The following KPNA2 variants were observed in gnomAD, a reference collection of about 807,000 sequenced individuals.
The protein encoded by KPNA2 is karyopherin subunit alpha 2, also known as importin subunit alpha-1.
A neutral mutation model predicts 53.7 loss-of-function variants in KPNA2; 20 were observed. That is an observed-to-expected ratio of 0.37 (90% CI 0.26 to 0.54). KPNA2 has a LOEUF of 0.54. Among genes scored for constraint, KPNA2 ranks in the 20% least tolerant of loss-of-function variants. KPNA2 has a pLI of 0.83. For synonymous variants in KPNA2, 238 were observed against 227.5 expected (o/e 1.05, Z -0.42); for missense variants, 515 against 640.3 (o/e 0.80, Z 2.11).
At chr17:68,045,632 T>G (rs2071319171) in intron 9 of KPNA2, 140 bp from the exon 10 acceptor site, 1 of 637,096 alleles carries the variant, frequency 1.6e-6, no homozygotes, top group Non-Finnish European at 2.6e-6. Context: ...AAAATGGACA[T>G]AAAACTATGA....
chr17:68,040,581 C>A, intron 3 of KPNA2, 97 bp from the exon 4 acceptor site: 1 of 774,338 alleles, frequency 1.3e-6, no homozygotes, highest in South Asian at 1.5e-5. Context: ...TGGCTATAAG[C>A]CTAACGATGT....
At position 68,037,207 on chromosome 17, in the gene KPNA2, A is replaced by C. The variant is rs781821343; in HGVS notation, c.75A>C (p.Thr25=). 1.9e-6 allele frequency: 3 copies of C among 1,610,096 alleles called. No individual in the cohort carries two copies. The African/African-American group carries it at 4.0e-5, about 22-fold the overall frequency. ...HRFKNKGKDS[T]EMRRRRIEVN... ...TCAAGAACAAGGGAAAAGACAGTAC[A>C]GTGAGTACCTTCTGTTGCTTTCCTG... is the stretch of plus-strand genomic sequence containing the variant. The change falls in exon 2 of 11, where the codon ACA becomes ACC. Residue 25 remains threonine, a splice_region_variant and synonymous_variant. Transcript: ENST00000330459.
intron 7 of KPNA2, 79 bp downstream of exon 7, chr17:68,043,442 C>G: frequency 7.1e-7 from 1 of 1,402,010 alleles, no homozygotes; most frequent in South Asian, 1.3e-5. Context: ...TGGCTCACAC[C>G]TGTGTAATCC....
At chr17:68,036,264 G>C (rs1178577262) in intron 1 of KPNA2, 1 of 152,286 alleles carries the variant, frequency 6.6e-6, no homozygotes, top group Non-Finnish European at 1.5e-5. Flanking sequence ...TCGTAGGCGA[G>C]CGTAATGAAA....
chr17:68,041,754 C>T (rs2071262984), intron 4 of KPNA2, among the ~76,000 whole-genome samples: 1 of 152,014 alleles, frequency 6.6e-6, no homozygotes, highest in Non-Finnish European at 1.5e-5. Flanking sequence ...CCACAACTAT[C>T]AGAACAAATT....
At position 68,037,338 on chromosome 17, in the gene KPNA2, G is replaced by T. The variant is rs372555369; in HGVS notation, c.76-20G>T. 6 of 1,607,914 alleles carry T rather than the reference G, an allele frequency of 3.7e-6. No individual in the cohort carries two copies. The African/African-American group carries it at 8.0e-5, about 22-fold the overall frequency. ...AAAAACTGGTGTGATAGGTGAAACG[G>T]CATGTTATCTTTTCTCAAGGAAATG... On this transcript the variant is annotated intron_variant, in intron 2 of 10. Transcript: ENST00000330459.
chr17:68,044,267 G>C, intron 8 of KPNA2, 54 bp from the exon 9 acceptor site: 1 of 1,515,122 alleles, frequency 6.6e-7, no homozygotes, highest in Non-Finnish European at 9.0e-7. Context: ...AGTACTCTTG[G>C]AATCTTATTT....
At chr17:68,039,113 A>T (rs1430881793) in intron 3 of KPNA2, among the ~76,000 whole-genome samples, 1 of 151,926 alleles carries the variant, frequency 6.6e-6, no homozygotes, top group East Asian at 1.9e-4. Flanking sequence ...TTTTTCTCAC[A>T]ATATGCTTCC....
chr17:68,043,501 C>T (rs1454078982), intron 7 of KPNA2, 138 bp downstream of exon 7: 10 of 786,398 alleles, frequency 1.3e-5, no homozygotes, highest in East Asian at 4.9e-5. Flanking sequence ...GTCAGGAGTT[C>T]GAGACCAGCC....
intron 3 of KPNA2, among the ~76,000 whole-genome samples, chr17:68,040,384 C>T (rs1352980840): frequency 2.0e-5 from 3 of 151,884 alleles, no homozygotes; most frequent in Non-Finnish European, 4.4e-5. Context: ...TGTGAGCCAC[C>T]ATGCCTGTCC....
chr17:68,039,008 G>A (rs1051855541), intron 3 of KPNA2, among the ~76,000 whole-genome samples: 1 of 142,946 alleles, frequency 7.0e-6, no homozygotes. Context: ...GTGAGACCCT[G>A]TCTCTAAGAA....
intron 5 of KPNA2, 40 bp from the exon 6 acceptor site, chr17:68,042,863 CAA>C (rs76104168): frequency 0.17 from 186,319 of 1,075,036 alleles, 1 homozygote; most frequent in East Asian, 0.2. Flanking sequence ...AACTCCGTCT[CAA>C]AAAAAAAAAA....
intron 3 of KPNA2, among the ~76,000 whole-genome samples, chr17:68,040,233 G>A (rs374335000): frequency 1.1e-4 from 16 of 151,376 alleles, no homozygotes; most frequent in Admixed American, 2.6e-4. Flanking sequence ...CTTGTATGGC[G>A]ACAGGCAAAC....
chr17:68,045,721 A>C, intron 9 of KPNA2, 51 bp from the exon 10 acceptor site: 1 of 1,358,120 alleles, frequency 7.4e-7, no homozygotes, highest in Non-Finnish European at 9.8e-7. Context: ...TTTCTTCATT[A>C]AAATAAAACC....
At position 68,038,341 on chromosome 17, in the gene KPNA2, C is replaced by T. The variant is rs567315640; in HGVS notation, c.213+846C>T. On this transcript the variant is annotated intron_variant, in intron 3 of 10. Coordinates refer to ENST00000330459, the MANE Select transcript of KPNA2 (RefSeq NM_002266.4). ...CAGGCTAGTCTTGAACTCATGACCT[C>T]GTGATATGCCTGCCTTGGTCTCCAG... is the stretch of plus-strand genomic sequence containing the variant. Among the ~76,000 whole-genome samples, 15 of 152,238 alleles carry T rather than the reference C, an allele frequency of 9.9e-5. No homozygotes were observed. The South Asian group carries it at 1.9e-3, about 19-fold the overall frequency.
Position 68,039,837 on chromosome 17 carries a change from C to T in KPNA2, c.214-841C>T, listed in dbSNP as rs565809666. 4.6e-5 allele frequency among the ~76,000 whole-genome samples: 7 copies of T among 151,200 alleles called. No individual in the cohort carries two copies. The South Asian group carries it at 1.5e-3, about 32-fold the overall frequency. ...CCTGTAATTCCAGCACTTTGGGAGGCTGAGGCAGGTGGATCACCTGAGGTT... is the reference window on the plus strand; with the variant it reads ...CCTGTAATTCCAGCACTTTGGGAGGTTGAGGCAGGTGGATCACCTGAGGTT... On this transcript the variant is annotated intron_variant, in intron 3 of 10. Transcript: ENST00000330459.
At chr17:68,040,829 G>GC in intron 4 of KPNA2, 63 bp downstream of exon 4, 1 of 1,028,162 alleles carries the variant, frequency 9.7e-7, no homozygotes. Flanking sequence ...TTTTTTTTTG[G>GC]GGGGTGGGGC....
intron 3 of KPNA2, 76 bp downstream of exon 3, chr17:68,037,571 A>G (rs2071205242): frequency 2.2e-6 from 3 of 1,385,078 alleles, no homozygotes; most frequent in Admixed American, 2.0e-5. Context: ...AAATTCAAGT[A>G]AACTTAACAT....
At chr17:68,043,745 C>T in intron 7 of KPNA2, 93 bp from the exon 8 acceptor site, 1 of 770,904 alleles carries the variant, frequency 1.3e-6, no homozygotes, top group Non-Finnish European at 2.2e-6. Context: ...TATTTCAGGC[C>T]ATGATGGGCC....
Sources: allele counts gnomAD v4.1 joint callset (sites outside exome capture counted in the v4.1 genomes callset), GRCh38; gene constraint gnomAD v4.1.1; transcripts MANE v1.5; gene names NCBI Gene and HGNC (gene_info 2026-07-23, HGNC 2026-07-21).